CLEC7A: variants seen among roughly 807,000 people sequenced by gnomAD.
The protein encoded by CLEC7A is C-type lectin domain containing 7A, also known as C-type lectin domain family 7 member A.
Under a neutral mutation model 26.9 loss-of-function variants are expected in CLEC7A, and 25 were observed. The ratio of observed to expected loss-of-function variants is 0.93; its 90% confidence interval spans 0.68 to 1.30. The LOEUF (loss-of-function observed/expected upper bound fraction) is 1.30, where lower values mean the gene tolerates loss of function less well. Among genes scored for constraint, CLEC7A ranks in the 50% most tolerant of loss-of-function variants. The pLI is 0.00. For synonymous variants in CLEC7A, 100 were observed against 99.5 expected (o/e 1.01, Z -0.03); for missense variants, 275 against 286.7 (o/e 0.96, Z 0.29).
intron 2 of CLEC7A, chr12:10,126,975 G>T: frequency 8.4e-7 from 1 of 1,194,116 alleles, no homozygotes. Context: ...GAGGGAGGCA[G>T]CAAGAGGCAA....
chr12:10,121,165 T>C (rs1247948430), intron 5 of CLEC7A, among the ~76,000 whole-genome samples: 1 of 151,914 alleles, frequency 6.6e-6, no homozygotes, highest in African/African-American at 2.4e-5. Flanking sequence ...AAAATGTCAG[T>C]TAATGTTAGT....
In CLEC7A at chr12:10,117,149, A is replaced by G. The variant is rs1346078625; in HGVS notation, c.*1309T>C. On this transcript the variant is annotated 3_prime_UTR_variant, in exon 6 of 6. Coordinates refer to ENST00000304084, the MANE Select transcript of CLEC7A (RefSeq NM_197947.3). ...GGTTGGTTACTTTTTTATATTCATCATCAGATTTTATGTATTTTTATGTAT... is the reference window on the plus strand; with the variant it reads ...GGTTGGTTACTTTTTTATATTCATCGTCAGATTTTATGTATTTTTATGTAT... The G allele has an allele frequency of 6.6e-6, 1 of 152,218 alleles. No homozygotes were observed. Among genetic ancestry groups the G allele is most frequent in the African/African-American group, 2.4e-5 (1 of 41,458 alleles). The allele number at this position is 152,218 out of a possible 1,614,324, so 9.4% of individuals were successfully genotyped here.
intron 4 of CLEC7A, among the ~76,000 whole-genome samples, chr12:10,123,649 TAC>T (rs1315098308): frequency 7.2e-6 from 1 of 139,800 alleles, no homozygotes; most frequent in African/African-American, 3.1e-5. Context: ...TGGTCCCAGC[TAC>T]TCGGGAGGCT....
chr12:10,129,394 T>C (rs191295657), intron 1 of CLEC7A, among the ~76,000 whole-genome samples: 1 of 152,200 alleles, frequency 6.6e-6, no homozygotes, highest in Non-Finnish European at 1.5e-5. Flanking sequence ...TCCTCACTGA[T>C]GAAATGTCTA....
intron 5 of CLEC7A, among the ~76,000 whole-genome samples, chr12:10,119,531 C>T (rs988934602): frequency 6.6e-6 from 1 of 152,080 alleles, no homozygotes; most frequent in African/African-American, 2.4e-5. Context: ...AGAAAGAGTC[C>T]TCTAGTCATA....
chr12:10,117,619 C>T lies in CLEC7A; in HGVS notation c.*839G>A, dbSNP rs893711519. 6.6e-6 allele frequency: 1 copy of T among 151,064 alleles called. No individual in the cohort carries two copies. Among genetic ancestry groups the T allele is most frequent in the Non-Finnish European group, 1.5e-5 (1 of 67,910 alleles). The allele number at this position is 151,064 out of a possible 1,614,324, so 9.4% of individuals were successfully genotyped here. On this transcript the variant is annotated 3_prime_UTR_variant, in exon 6 of 6. Transcript: ENST00000304084. The stretch of plus-strand genomic sequence containing the variant: ...AATTGATAAAGAAAAAGTAGGAGTT[C>T]CTGCTTTTTACTAAGATGATAATCA...
chr12:10,120,594 C>CTT (rs747550159), intron 5 of CLEC7A, among the ~76,000 whole-genome samples: 174 of 141,248 alleles, frequency 1.2e-3, no homozygotes, highest in African/African-American at 3.8e-3. Context: ...ATTTTTATAT[C>CTT]TTTTTTTTTT....
At chr12:10,121,123 C>T (rs894547414) in intron 5 of CLEC7A, among the ~76,000 whole-genome samples, 1 of 151,520 alleles carries the variant, frequency 6.6e-6, no homozygotes, top group Non-Finnish European at 1.5e-5. Flanking sequence ...AAGGAATGCT[C>T]TATGATTTTT....
At chr12:10,124,145 T>C (rs540247570) in intron 4 of CLEC7A, among the ~76,000 whole-genome samples, 86 of 152,366 alleles carry the variant, frequency 5.6e-4, no homozygotes, top group African/African-American at 2.0e-3. Context: ...GATATCTGAA[T>C]TGTTTACAAA....
At chr12:10,119,130 A>C (rs931786103) in intron 5 of CLEC7A, among the ~76,000 whole-genome samples, 3 of 152,246 alleles carry the variant, frequency 2.0e-5, no homozygotes, top group Non-Finnish European at 2.9e-5. Context: ...ACAGTTATGG[A>C]AATCAACACT....
chr12:10,121,865 G>A (rs561270391), intron 5 of CLEC7A, among the ~76,000 whole-genome samples: 3 of 152,126 alleles, frequency 2.0e-5, no homozygotes, highest in South Asian at 4.2e-4. Context: ...AAAATTAGCC[G>A]GGCATGGTGG....
At position 10,126,657 on chromosome 12, in the gene CLEC7A, A is replaced by G. The variant is rs1302958200; in HGVS notation, c.254T>C (p.Leu85Pro). 1 of 1,613,044 alleles carries G rather than the reference A, an allele frequency of 6.2e-7. No homozygotes were observed. The highest frequency in any genetic ancestry group is 8.5e-7 in the Non-Finnish European group (1 of 1,179,580). ...ACTGTGGTTCTCTTTATTTCTTGATAGAAAGTAGCCATTCTCCAATGTGTT... is the reference window on the plus strand; with the variant it reads ...ACTGTGGTTCTCTTTATTTCTTGATGGAAAGTAGCCATTCTCCAATGTGTT... ...GSNTLENGYF[L>P]SRNKENHSQP... is the part of the protein sequence containing the mutation. Residue 85 changes from leucine to proline, a missense_variant, in exon 3 of 6, where the codon CTA becomes CCA. Leu to Pro is a moderately conservative substitution (Grantham distance 98). Transcript: ENST00000304084.
chr12:10,121,833 C>G (rs761382597), intron 5 of CLEC7A, among the ~76,000 whole-genome samples: 1 of 151,866 alleles, frequency 6.6e-6, no homozygotes, highest in Non-Finnish European at 1.5e-5. Context: ...ACGGTGAAAC[C>G]CCGTCTCTAC....
intron 5 of CLEC7A, among the ~76,000 whole-genome samples, chr12:10,118,963 A>C (rs1947994220): frequency 6.6e-6 from 1 of 152,198 alleles, no homozygotes; most frequent in African/African-American, 2.4e-5. Flanking sequence ...ATTACTGGAT[A>C]TACTTAATGA....
At chr12:10,127,259 T>C (rs1948321516) in intron 2 of CLEC7A, 1 of 1,417,448 alleles carries the variant, frequency 7.1e-7, no homozygotes. Flanking sequence ...TCTGGTGTAT[T>C]CAAAGGTGTT....
At position 10,129,574 on chromosome 12, in the gene CLEC7A, G is replaced by A. The variant is rs531042322; in HGVS notation, c.103+406C>T. ...ATATCCATAAAAATATACACATCAC[G>A]AGGCTCTCAAATTTTCTCCCCTTAT... On this transcript the variant is annotated intron_variant, in intron 1 of 5. Transcript: ENST00000304084. Among the ~76,000 whole-genome samples, 248 of 152,100 alleles carry A rather than the reference G, an allele frequency of 1.6e-3. 1 individual carries two copies. The highest frequency in any genetic ancestry group is 4.8e-3 in the African/African-American group (199 of 41,450).
At chr12:10,129,748 C>G (rs1166221838) in intron 1 of CLEC7A, among the ~76,000 whole-genome samples, 1 of 151,960 alleles carries the variant, frequency 6.6e-6, no homozygotes, top group African/African-American at 2.4e-5. Context: ...CTCCCAAGTA[C>G]CTGGAACTAC....
intron 2 of CLEC7A, chr12:10,127,362 G>A (rs1354809008): frequency 1.3e-6 from 2 of 1,590,004 alleles, no homozygotes. Context: ...TAGGAAGACA[G>A]CACCATATTG....
intron 5 of CLEC7A, among the ~76,000 whole-genome samples, chr12:10,121,341 A>C (rs1948079336): frequency 6.6e-6 from 1 of 152,142 alleles, no homozygotes; most frequent in South Asian, 2.1e-4. Context: ...AGGGGAAAAA[A>C]AGTAACAATT....
Sources: gnomAD v4.1 joint callset for allele counts (sites outside exome capture counted in the v4.1 genomes callset) on GRCh38, gnomAD v4.1.1 for gene constraint, MANE v1.5 for transcripts, NCBI Gene and HGNC (gene_info 2026-07-23, HGNC 2026-07-21) for gene names.